RALYL: variants seen among roughly 807,000 people sequenced by gnomAD.
The protein encoded by RALYL is RALY RNA binding protein like.
A neutral mutation model predicts 35.1 loss-of-function variants in RALYL; 29 were observed. The observed-to-expected ratio is 0.83, with a 90% confidence interval of 0.61 to 1.13. The LOEUF (loss-of-function observed/expected upper bound fraction) is 1.13. Ranked by LOEUF, RALYL falls within the 50% of genes most tolerant of loss-of-function variation. RALYL has a pLI of 0.00. For missense variants in RALYL, 359 were observed against 360.4 expected (o/e 1.00, Z 0.03); for synonymous variants, 120 against 127.6 (o/e 0.94, Z 0.40).
In RALYL at chr8:84,686,395, A is replaced by ATTGTTTGTTTGT. The variant is rs60501106; in HGVS notation, c.257-88169_257-88158dup. ...TTATTTAGCTATATTAATACATCAT[A>ATTGTTTGTTTGT]TTGTTTGTTTGTTTGTTTGTTTGTT... On this transcript the variant is annotated intron_variant, in intron 2 of 8. Coordinates refer to ENST00000521268, the MANE Select transcript of RALYL (RefSeq NM_173848.7). Among the ~76,000 whole-genome samples the ATTGTTTGTTTGT allele has an allele frequency of 2.7e-3, 399 of 150,144 alleles. 1 individual carries two copies. The highest frequency in any genetic ancestry group is 9.1e-3 in the African/African-American group (366 of 40,190).
At chr8:84,857,773 A>G (rs1837345793) in intron 5 of RALYL, among the ~76,000 whole-genome samples, 1 of 152,196 alleles carries the variant, frequency 6.6e-6, no homozygotes, top group Non-Finnish European at 1.5e-5. Flanking sequence ...TATGTGAAAA[A>G]TATGGATGCT....
At chr8:84,506,526 G>T (rs75579755) in intron 1 of RALYL, among the ~76,000 whole-genome samples, 2,209 of 152,012 alleles carry the variant, frequency 0.015, 71 homozygotes, top group African/African-American at 0.051. Flanking sequence ...TCGGTTATTG[G>T]ATGTTTCAGG....
At position 84,766,204 on chromosome 8, in the gene RALYL, G is replaced by A. The variant is rs1233586131; in HGVS notation, c.257-8375G>A. Among the ~76,000 whole-genome samples, 6 of 152,038 alleles carry A rather than the reference G, an allele frequency of 3.9e-5. No individual in the cohort carries two copies. In the East Asian group the frequency reaches 9.7e-4, roughly 24 times the overall value. On this transcript the variant is annotated intron_variant, in intron 2 of 8. Transcript: ENST00000521268. Reference sequence around the variant, plus strand: ...TCTCATAAAGCAGTATCCTAGAGGAGCTCTGATTTGCTGGATGCTAATAGA... The same window carrying A: ...TCTCATAAAGCAGTATCCTAGAGGAACTCTGATTTGCTGGATGCTAATAGA...
At chr8:84,858,289 T>G (rs1158450616) in intron 5 of RALYL, among the ~76,000 whole-genome samples, 1 of 152,184 alleles carries the variant, frequency 6.6e-6, no homozygotes, top group African/African-American at 2.4e-5. Flanking sequence ...TTTTTTAAAT[T>G]TATTACTTGA....
At chr8:84,669,711 C>T (rs1427714049) in intron 2 of RALYL, among the ~76,000 whole-genome samples, 1 of 152,066 alleles carries the variant, frequency 6.6e-6, no homozygotes, top group Admixed American at 6.6e-5. Context: ...GATGGCCATT[C>T]ACTTTTTACA....
chr8:84,573,120 A>G (rs886876854), intron 2 of RALYL, among the ~76,000 whole-genome samples: 2 of 151,350 alleles, frequency 1.3e-5, no homozygotes, highest in Admixed American at 6.6e-5. Context: ...TTAACACAAT[A>G]TATATTTTTT....
At chr8:84,877,348 G>A (rs1215885383) in intron 7 of RALYL, among the ~76,000 whole-genome samples, 2 of 152,094 alleles carry the variant, frequency 1.3e-5, no homozygotes, top group Non-Finnish European at 2.9e-5. Context: ...TTAGCCGGAT[G>A]TGGTGGCACA....
intron 1 of RALYL, among the ~76,000 whole-genome samples, chr8:84,221,485 G>C (rs2131309426): frequency 6.6e-6 from 1 of 152,156 alleles, no homozygotes; most frequent in East Asian, 1.9e-4. Context: ...CTTGGGTTCA[G>C]ATACATGCTT....
intron 8 of RALYL, among the ~76,000 whole-genome samples, chr8:84,895,164 T>G (rs554916188): frequency 6.6e-6 from 1 of 152,302 alleles, no homozygotes; most frequent in South Asian, 2.1e-4. Flanking sequence ...TTCAAAGACC[T>G]TCGTCTTGAA....
At chr8:84,260,412 T>C (rs1164393623) in intron 1 of RALYL, among the ~76,000 whole-genome samples, 1 of 152,174 alleles carries the variant, frequency 6.6e-6, no homozygotes, top group East Asian at 1.9e-4. Context: ...GTGGTCGGGC[T>C]GTGGTGTCAG....
intron 1 of RALYL, among the ~76,000 whole-genome samples, chr8:84,228,855 C>T (rs566249594): frequency 6.6e-6 from 1 of 152,210 alleles, no homozygotes; most frequent in Non-Finnish European, 1.5e-5. Flanking sequence ...ATCAGATCTC[C>T]GGAAAGCTCA....
intron 1 of RALYL, among the ~76,000 whole-genome samples, chr8:84,270,770 A>T (rs1391791925): frequency 6.6e-6 from 1 of 152,162 alleles, no homozygotes; most frequent in African/African-American, 2.4e-5. Flanking sequence ...AATTTTGCCA[A>T]TAGGTAAGTA....
intron 1 of RALYL, among the ~76,000 whole-genome samples, chr8:84,259,679 G>GT (rs752376775): frequency 5.3e-5 from 8 of 152,090 alleles, no homozygotes; most frequent in Non-Finnish European, 1.0e-4. Flanking sequence ...ACAGCCTTGT[G>GT]TTTTTGTGAT....
intron 2 of RALYL, among the ~76,000 whole-genome samples, chr8:84,755,260 C>T (rs1811097040): frequency 6.6e-6 from 1 of 152,160 alleles, no homozygotes; most frequent in Non-Finnish European, 1.5e-5. Flanking sequence ...CTATGTCTCA[C>T]AAACCAAATA....
chr8:84,313,320 G>A (rs554397167), intron 1 of RALYL, among the ~76,000 whole-genome samples: 2 of 152,316 alleles, frequency 1.3e-5, no homozygotes, highest in African/African-American at 4.8e-5. Flanking sequence ...CCTGAGACAT[G>A]TTCTTCATTG....
In RALYL at chr8:84,222,060, C is replaced by T. The variant is rs1822362307; in HGVS notation, c.-24+37636C>T. ...TATGATATTGGGCAAGTAAAATTAG[C>T]ATTGCTTAATCACCTATATCATGGC... On this transcript the variant is annotated intron_variant, in intron 1 of 8. Coordinates refer to ENST00000521268, the MANE Select transcript of RALYL (RefSeq NM_173848.7). 5.9e-5 allele frequency among the ~76,000 whole-genome samples: 9 copies of T among 152,134 alleles called. No individual in the cohort carries two copies. The South Asian group carries it at 1.7e-3, about 28-fold the overall frequency.
chr8:84,301,867 A>G (rs1449962242), intron 1 of RALYL, among the ~76,000 whole-genome samples: 2 of 152,084 alleles, frequency 1.3e-5, no homozygotes, highest in Non-Finnish European at 2.9e-5. Context: ...TCTTCTCCTT[A>G]TATAACTTAT....
At chr8:84,737,296 T>C (rs969901429) in intron 2 of RALYL, among the ~76,000 whole-genome samples, 2 of 152,120 alleles carry the variant, frequency 1.3e-5, no homozygotes, top group South Asian at 2.1e-4. Flanking sequence ...CTTAATTTCA[T>C]TGTAACTCAT....
chr8:84,330,398 G>A (rs1460179971), intron 1 of RALYL, among the ~76,000 whole-genome samples: 1 of 151,892 alleles, frequency 6.6e-6, no homozygotes. Flanking sequence ...TAAGGAAATG[G>A]TAGATCAAGG....
Sources: gnomAD v4.1 joint callset for allele counts (sites outside exome capture counted in the v4.1 genomes callset) on GRCh38, gnomAD v4.1.1 for gene constraint, MANE v1.5 for transcripts, NCBI Gene and HGNC (gene_info 2026-07-23, HGNC 2026-07-21) for gene names.